Variants in SEM1 observed in about 807,000 individuals in gnomAD.
SEM1 encodes SEM1 26S proteasome subunit.
Under a neutral mutation model 12.7 loss-of-function variants are expected in SEM1, and 3 were observed. That is an observed-to-expected ratio of 0.24 (90% CI 0.11 to 0.61). The LOEUF is 0.61. SEM1 is among the 20% of genes least tolerant of loss of function. The probability of loss-of-function intolerance (pLI) is 0.88; values close to 1 mark genes in which losing one functional copy is unlikely to be tolerated. For missense variants in SEM1, 59 were observed against 81.3 expected (o/e 0.73, Z 1.06); for synonymous variants, 30 against 27.8 (o/e 1.08, Z -0.25).
chr7:96,622,973 C>A (rs893790506), intron 2 of SEM1: 1 of 266,772 alleles, frequency 3.7e-6, no homozygotes, highest in Non-Finnish European at 7.1e-6. Context: ...GGGTGCCAGG[C>A]ATTTGGCTAA....
Position 96,709,704 on chromosome 7 carries a change from T to G in SEM1, c.60A>C (p.Glu20Asp). 1 of 1,613,806 alleles carries G rather than the reference T, an allele frequency of 6.2e-7. No homozygotes were observed. The highest frequency in any genetic ancestry group is 8.5e-7 in the Non-Finnish European group (1 of 1,179,856). Residue 20 changes from glutamate to aspartate, a missense_variant, in exon 1 of 3, where the codon GAA (glutamate) becomes GAC (aspartate). Glu to Asp is a conservative substitution (Grantham distance 45). Transcript: ENST00000248566. ...AGCGGTTACCTTCGGCAGGGAACTCTTCAAACTCGTCGTCTTCCTCTAACA... is the reference window on the plus strand; with the variant it reads ...AGCGGTTACCTTCGGCAGGGAACTCGTCAAACTCGTCGTCTTCCTCTAACA... ...LGLLEEDDEF[E>D]EFPAEDWAGL...
At chr7:96,500,105 C>A (rs2117259905), upstream of SEM1, among the ~76,000 whole-genome samples, 1 of 152,152 alleles carries the variant, frequency 6.6e-6, no homozygotes, top group African/African-American at 2.4e-5. Flanking sequence ...AGTCTGGCAC[C>A]CCTTTGCAAA....
intron 1 of SEM1, among the ~76,000 whole-genome samples, chr7:96,703,110 T>A (rs1202907149): frequency 6.6e-6 from 1 of 152,234 alleles, no homozygotes; most frequent in Non-Finnish European, 1.5e-5. Context: ...TTCAAAATGC[T>A]TGAGACCAGA....
chr7:96,638,926 A>G (rs892133791), intron 2 of SEM1, among the ~76,000 whole-genome samples: 3 of 151,952 alleles, frequency 2.0e-5, no homozygotes, highest in African/African-American at 7.2e-5. Context: ...TGAACAACTT[A>G]CTCAATATCC....
chr7:96,580,075 C>T (rs568007559), intron 2 of SEM1, among the ~76,000 whole-genome samples: 7 of 148,478 alleles, frequency 4.7e-5, no homozygotes, highest in South Asian at 2.2e-4. Flanking sequence ...CCCACTAACT[C>T]GTCATCTAGC....
intron 2 of SEM1, among the ~76,000 whole-genome samples, chr7:96,485,536 C>CTTTTTTTTTTTTTTTTTTTTTTTTTTTTT (rs61088450): frequency 1.3e-5 from 1 of 76,704 alleles, no homozygotes. Flanking sequence ...TCTCTACATT[C>CTTTTTTTTTTTTTTTTTTTTTTTTTTTTT]TTTTTTTTTT....
At chr7:96,489,208 G>A (rs1802900072) in intron 1 of SEM1, among the ~76,000 whole-genome samples, 1 of 152,100 alleles carries the variant, frequency 6.6e-6, no homozygotes, top group African/African-American at 2.4e-5. Flanking sequence ...TCTAAAATAT[G>A]TCTGCCTATT....
At chr7:96,558,981 G>A (rs558425704) in intron 2 of SEM1, among the ~76,000 whole-genome samples, 5 of 152,154 alleles carry the variant, frequency 3.3e-5, no homozygotes, top group Non-Finnish European at 7.3e-5. Flanking sequence ...CTTTATGTCA[G>A]AGTTATTAAG....
intron 2 of SEM1, among the ~76,000 whole-genome samples, chr7:96,539,907 A>G (rs1584747833): frequency 6.6e-6 from 1 of 151,378 alleles, no homozygotes; most frequent in South Asian, 2.1e-4. Context: ...AAAAGTATTT[A>G]TGGTTTTTGC....
chr7:96,668,084 G>A (rs1181099864), intron 2 of SEM1, among the ~76,000 whole-genome samples: 2 of 152,330 alleles, frequency 1.3e-5, no homozygotes, highest in African/African-American at 2.4e-5. Context: ...CAACTTGAAA[G>A]TTGAATTCCT....
At chr7:96,589,507 G>T (rs1211349081) in intron 2 of SEM1, among the ~76,000 whole-genome samples, 3 of 152,090 alleles carry the variant, frequency 2.0e-5, no homozygotes, top group Non-Finnish European at 1.5e-5. Context: ...GGCAGTCCCT[G>T]TGTGTAACTC....
At chr7:96,512,240 T>C (rs1048366058) in intron 2 of SEM1, among the ~76,000 whole-genome samples, 3 of 152,000 alleles carry the variant, frequency 2.0e-5, no homozygotes, top group Non-Finnish European at 2.9e-5. Flanking sequence ...GAGCCTGACA[T>C]TGGGGACTGC....
chr7:96,642,998 A>G (rs982032737), intron 2 of SEM1, among the ~76,000 whole-genome samples: 9 of 152,052 alleles, frequency 5.9e-5, no homozygotes, highest in Non-Finnish European at 1.3e-4. Context: ...GGTTTGTTAC[A>G]TAGGTAAACT....
Position 96,701,701 on chromosome 7 carries a change from T to TA in SEM1, c.77-6811dup, listed in dbSNP as rs371024064. Among the ~76,000 whole-genome samples, 1,370 of 152,092 alleles carry TA rather than the reference T, an allele frequency of 9.0e-3. 26 individuals are homozygous for TA. Among genetic ancestry groups the TA allele is most frequent in the African/African-American group, 0.031 (1,306 of 41,472 alleles). ...GAAAAACATAATGGTTAATCTTACT[T>TA]AAAAAAATCAATCCAAATCAAAATG... On this transcript the variant is annotated intron_variant, in intron 1 of 2. Transcript: ENST00000248566.
intron 2 of SEM1, among the ~76,000 whole-genome samples, chr7:96,512,562 A>G (rs899177851): frequency 2.0e-5 from 3 of 152,164 alleles, no homozygotes; most frequent in African/African-American, 7.2e-5. Context: ...TTATGAAACT[A>G]GGGCATTATG....
chr7:96,505,936 A>G (rs1245025809), intron 3 of SEM1, among the ~76,000 whole-genome samples: 1 of 151,384 alleles, frequency 6.6e-6, no homozygotes, highest in Non-Finnish European at 1.5e-5. Context: ...TGGGATAAAT[A>G]CTTGATTCTT....
At chr7:96,545,521 T>C (rs1207655289) in intron 2 of SEM1, among the ~76,000 whole-genome samples, 1 of 152,108 alleles carries the variant, frequency 6.6e-6, no homozygotes, top group Non-Finnish European at 1.5e-5. Flanking sequence ...TTGTTAGCAC[T>C]TGGCTAGCAC....
At chr7:96,574,312 C>T (rs896216315) in intron 2 of SEM1, among the ~76,000 whole-genome samples, 6 of 152,184 alleles carry the variant, frequency 3.9e-5, no homozygotes, top group Non-Finnish European at 8.8e-5. Context: ...ATATGTGCCA[C>T]ATTTTCTTAA....
In SEM1 at chr7:96,640,380, T is replaced by G. The variant is rs1808554475; in HGVS notation, c.171-17737A>C. Among the ~76,000 whole-genome samples, 1 of 152,034 alleles carries G rather than the reference T, an allele frequency of 6.6e-6. No individual in the cohort carries two copies. The highest frequency in any genetic ancestry group is 1.5e-5 in the Non-Finnish European group (1 of 67,958). ...ACTGTGGTACATAAAGATAATGGAC[T>G]ATTTTCCAGTGCTAAAAAGAAATGA... On this transcript the variant is annotated intron_variant, in intron 2 of 2. Coordinates refer to the SEM1 transcript ENST00000417009. This position sits in a 1 kb window ranked among gnomAD's most constrained non-coding sequence, Gnocchi z 4.0.
Sources: gnomAD v4.1 joint callset for allele counts (sites outside exome capture counted in the v4.1 genomes callset) on GRCh38, gnomAD v4.1.1 for gene constraint, Gnocchi (gnomAD v3.1) non-coding constraint, MANE v1.5 for transcripts, NCBI Gene and HGNC (gene_info 2026-07-23, HGNC 2026-07-21) for gene names.